Variants in NRXN3 observed in about 807,000 individuals in gnomAD.
NRXN3 encodes the protein neurexin 3, also known as neurexin III.
A neutral mutation model predicts 137.6 loss-of-function variants in NRXN3; 32 were observed. The observed-to-expected ratio is 0.23, with a 90% CI of 0.18 to 0.31. The LOEUF (loss-of-function observed/expected upper bound fraction) is 0.31, where lower values mean the gene tolerates loss of function less well. Among genes scored for constraint, NRXN3 ranks in the 10% least tolerant of loss-of-function variants. NRXN3 has a pLI of 1.00. For synonymous variants in NRXN3, 798 were observed against 784.5 expected (o/e 1.02, Z -0.29); for missense variants, 1,574 against 2,062.5 (o/e 0.76, Z 4.59).
chr14:79,515,370 G>A (rs957611972), intron 16 of NRXN3, among the ~76,000 whole-genome samples: 10 of 150,642 alleles, frequency 6.6e-5, no homozygotes, highest in African/African-American at 1.0e-4. Flanking sequence ...TGATGACTCA[G>A]TGGATGGGGT....
chr14:79,488,616 G>A (rs1396275702), intron 16 of NRXN3, among the ~76,000 whole-genome samples: 1 of 152,160 alleles, frequency 6.6e-6, no homozygotes, highest in Non-Finnish European at 1.5e-5. Context: ...ACAAATGATG[G>A]TGATAACTTG....
At chr14:79,061,452 G>A (rs938504888) in intron 15 of NRXN3, among the ~76,000 whole-genome samples, 1 of 152,180 alleles carries the variant, frequency 6.6e-6, no homozygotes, top group Non-Finnish European at 1.5e-5. Context: ...CAGTCACAGA[G>A]AACAGTGTGC....
intron 20 of NRXN3, among the ~76,000 whole-genome samples, chr14:79,806,224 A>G (rs538832318): frequency 5.3e-5 from 8 of 152,302 alleles, no homozygotes; most frequent in African/African-American, 1.7e-4. Context: ...AAGGAAAGCC[A>G]TTAAAAATTC....
At chr14:79,478,297 A>G (rs1219658177) in intron 16 of NRXN3, among the ~76,000 whole-genome samples, 2 of 151,862 alleles carry the variant, frequency 1.3e-5, no homozygotes, top group Non-Finnish European at 2.9e-5. Flanking sequence ...GGGATAACCT[A>G]GATAGTGAAG....
intron 1 of NRXN3, among the ~76,000 whole-genome samples, chr14:78,202,859 A>G (rs904064927): frequency 6.6e-6 from 1 of 152,192 alleles, no homozygotes; most frequent in Non-Finnish European, 1.5e-5. Flanking sequence ...ACCCAATGCC[A>G]TAGGTAGAAT....
At chr14:79,413,341 A>T (rs1292250358) in intron 15 of NRXN3, among the ~76,000 whole-genome samples, 1 of 152,112 alleles carries the variant, frequency 6.6e-6, no homozygotes, top group Non-Finnish European at 1.5e-5. Context: ...TGGTTTTAGA[A>T]GCACCTCCTC....
At chr14:79,031,977 C>A (rs1005525343) in intron 15 of NRXN3, among the ~76,000 whole-genome samples, 5 of 152,018 alleles carry the variant, frequency 3.3e-5, no homozygotes, top group Admixed American at 6.6e-5. Flanking sequence ...AAAAAATAAC[C>A]CAACCGGACT....
chr14:78,381,888 A>G (rs940994685), intron 4 of NRXN3, among the ~76,000 whole-genome samples: 1 of 152,242 alleles, frequency 6.6e-6, no homozygotes, highest in African/African-American at 2.4e-5. Context: ...TGACAAAAAT[A>G]TAAAAGAGTG....
At chr14:78,798,991 C>T (rs34811245) in intron 8 of NRXN3, among the ~76,000 whole-genome samples, 6,253 of 152,286 alleles carry the variant, frequency 0.041, 213 homozygotes, top group Middle Eastern at 0.14. Context: ...GCTTCTGGGG[C>T]ACCTGCAGTT....
At chr14:79,380,021 C>T (rs1287179229) in intron 15 of NRXN3, among the ~76,000 whole-genome samples, 1 of 151,854 alleles carries the variant, frequency 6.6e-6, no homozygotes, top group Admixed American at 6.6e-5. Flanking sequence ...GAAGTGGCAC[C>T]TTCTAAGCTG....
intron 16 of NRXN3, among the ~76,000 whole-genome samples, chr14:79,537,174 T>C (rs2097219404): frequency 6.6e-6 from 1 of 152,178 alleles, no homozygotes; most frequent in African/African-American, 2.4e-5. Context: ...AGATGGAGTC[T>C]CATTGTGGTT....
chr14:78,627,104 T>TCTCTCTC (rs2097468839), intron 4 of NRXN3, among the ~76,000 whole-genome samples: 1 of 120,986 alleles, frequency 8.3e-6, no homozygotes, highest in Non-Finnish European at 1.7e-5. Flanking sequence ...CCTCCCTCCC[T>TCTCTCTC]TCTCTCTCTC....
intron 8 of NRXN3, among the ~76,000 whole-genome samples, chr14:78,748,377 A>G (rs984317792): frequency 1.1e-4 from 17 of 152,208 alleles, no homozygotes; most frequent in African/African-American, 4.1e-4. Context: ...AACAGAAAAT[A>G]CAGTATGGCC....
intron 4 of NRXN3, among the ~76,000 whole-genome samples, chr14:78,622,162 A>G (rs923915952): frequency 1.3e-5 from 2 of 152,098 alleles, no homozygotes; most frequent in Non-Finnish European, 2.9e-5. Flanking sequence ...CTTGGAGAAT[A>G]TTGTCCCCCT....
chr14:79,001,270 C>T (rs758985770), intron 15 of NRXN3, among the ~76,000 whole-genome samples: 8 of 152,160 alleles, frequency 5.3e-5, no homozygotes, highest in Non-Finnish European at 7.3e-5. Context: ...TTTCTGAAAT[C>T]TACTGTATGT....
At chr14:78,816,486 T>C (rs2098933566) in intron 10 of NRXN3, among the ~76,000 whole-genome samples, 2 of 152,164 alleles carry the variant, frequency 1.3e-5, no homozygotes, top group Non-Finnish European at 1.5e-5. Context: ...TAAGAATATA[T>C]AGGTTTATTT....
intron 15 of NRXN3, among the ~76,000 whole-genome samples, chr14:79,020,564 C>T (rs943612968): frequency 4.6e-5 from 7 of 151,478 alleles, no homozygotes; most frequent in African/African-American, 1.5e-4. Flanking sequence ...CACGCCTGGC[C>T]GACTTCAAGG....
intron 15 of NRXN3, among the ~76,000 whole-genome samples, chr14:79,186,562 C>T (rs772200028): frequency 7.2e-5 from 11 of 152,132 alleles, no homozygotes; most frequent in Non-Finnish European, 1.5e-4. Context: ...AAAAAGAAAT[C>T]AAGTCTCCAA....
At chr14:79,504,075 T>C (rs775977767) in intron 16 of NRXN3, among the ~76,000 whole-genome samples, 2 of 152,176 alleles carry the variant, frequency 1.3e-5, no homozygotes, top group Non-Finnish European at 2.9e-5. Flanking sequence ...ATATTCCTAC[T>C]ATAATGTACA....
Sources: allele counts gnomAD v4.1 joint callset (sites outside exome capture counted in the v4.1 genomes callset), GRCh38; gene constraint gnomAD v4.1.1; transcripts MANE v1.5; gene names NCBI Gene and HGNC (gene_info 2026-07-23, HGNC 2026-07-21).